The following ATXN10 variants were observed in gnomAD, a reference collection of about 807,000 sequenced individuals.
ATXN10 encodes the protein ataxin 10, also known as ataxin-10.
A neutral mutation model predicts 52.9 loss-of-function variants in ATXN10; 28 were observed. The ratio of observed to expected loss-of-function variants is 0.53; its 90% CI spans 0.39 to 0.73. ATXN10 has a LOEUF of 0.73. Ranked by LOEUF, ATXN10 falls within the 30% of genes least tolerant of loss-of-function variation. The pLI, the probability that ATXN10 is intolerant of heterozygous loss-of-function variation, is 0.00. For synonymous variants in ATXN10, 226 were observed against 221.5 expected (o/e 1.02, Z -0.18); for missense variants, 565 against 577.0 (o/e 0.98, Z 0.21).
rs1926914298 is a variant in ATXN10, at chr22:45,775,371, A to G, written c.1174-31588A>G. On this transcript the variant is annotated intron_variant, in intron 9 of 11. Transcript: ENST00000252934. The surrounding 1 kb of genome is among the most constrained non-coding windows in gnomAD (Gnocchi z 4.7). ...TGGCTTCATGGAGATTTTGTAAGAA[A>G]TTGAGACAAGTTGGAAAACACAAAC... Among the ~76,000 whole-genome samples the G allele has an allele frequency of 1.3e-5, 2 of 152,236 alleles. No individual in the cohort carries two copies. Among genetic ancestry groups the G allele is most frequent in the Non-Finnish European group, 2.9e-5 (2 of 68,042 alleles).
chr22:45,843,053 G>T lies in ATXN10; in HGVS notation c.1300G>T (p.Asp434Tyr). 1 of 1,614,184 alleles carries T rather than the reference G, an allele frequency of 6.2e-7. No homozygotes were observed. Among genetic ancestry groups the T allele is most frequent in the South Asian group, 1.1e-5 (1 of 91,076 alleles). Residue 434 changes from aspartate to tyrosine, a missense_variant, in exon 11 of 12, where the codon GAT becomes TAT. Coordinates refer to ENST00000252934, the MANE Select transcript of ATXN10 (RefSeq NM_013236.4). This position sits in a 1 kb window ranked among gnomAD's most constrained non-coding sequence, Gnocchi z 4.5. Reference protein sequence around the residue: ...NLTEDNSQNQDLIAKMEEQGL... With the variant: ...NLTEDNSQNQYLIAKMEEQGL... ...TACCGAAGACAACAGCCAAAACCAA[G>T]ATTTGATTGCAAAGATGGAGGAACA...
chr22:45,745,305 A>AT (rs1162175926), intron 9 of ATXN10, among the ~76,000 whole-genome samples: 13 of 152,142 alleles, frequency 8.5e-5, no homozygotes, highest in Non-Finnish European at 1.8e-4. Context: ...AGCTAAGTGC[A>AT]TTTTTCAAAT....
At chr22:45,731,219 A>G (rs937483651) in intron 7 of ATXN10, among the ~76,000 whole-genome samples, 5 of 152,230 alleles carry the variant, frequency 3.3e-5, no homozygotes, top group Admixed American at 2.0e-4. Context: ...GCTGAGGGAG[A>G]GAAGCCAGAC....
At chr22:45,773,381 C>T (rs1244640517) in intron 9 of ATXN10, among the ~76,000 whole-genome samples, 1 of 151,724 alleles carries the variant, frequency 6.6e-6, no homozygotes, top group East Asian at 1.9e-4. Context: ...CTGTGATGTC[C>T]CTGCCTGCCT....
At chr22:45,821,378 A>T (rs959753596) in intron 10 of ATXN10, among the ~76,000 whole-genome samples, 5 of 150,714 alleles carry the variant, frequency 3.3e-5, no homozygotes, top group African/African-American at 7.3e-5. Context: ...CGAACCTAGC[A>T]CAGTTTCCTC....
chr22:45,781,274 T>C lies in ATXN10; in HGVS notation c.1174-25685T>C, dbSNP rs1927139974. ...GATGGAGCTGGGAGCCAGGTTTTTA[T>C]CCCCACTGGGCAGTAATGAGGCATC... On this transcript the variant is annotated intron_variant, in intron 9 of 11. Coordinates refer to ENST00000252934, the MANE Select transcript of ATXN10 (RefSeq NM_013236.4). The surrounding 1 kb of genome is among the most constrained non-coding windows in gnomAD (Gnocchi z 4.2). Among the ~76,000 whole-genome samples, 1 of 151,948 alleles carries C rather than the reference T, an allele frequency of 6.6e-6. No homozygotes were observed. The highest frequency in any genetic ancestry group is 2.4e-5 in the African/African-American group (1 of 41,326).
chr22:45,755,767 G>T (rs138419444), intron 9 of ATXN10, among the ~76,000 whole-genome samples: 1 of 152,282 alleles, frequency 6.6e-6, no homozygotes, highest in East Asian at 1.9e-4. Flanking sequence ...GCATTTTATA[G>T]TGCTCACTGT....
Position 45,757,113 on chromosome 22 carries a change from C to T in ATXN10, c.1173+16575C>T, listed in dbSNP as rs893510604. On this transcript the variant is annotated intron_variant, in intron 9 of 11. Coordinates refer to ENST00000252934, the MANE Select transcript of ATXN10 (RefSeq NM_013236.4). The surrounding 1 kb of genome is among the most constrained non-coding windows in gnomAD (Gnocchi z 4.6). The stretch of plus-strand genomic sequence containing the variant: ...TTTGGTCTGCACCTGCAGCTCTGGA[C>T]GGACTGCCTGGGGCTGGGGCTGTGG... Among the ~76,000 whole-genome samples the T allele has an allele frequency of 4.6e-5, 7 of 151,916 alleles. No individual in the cohort carries two copies. Among genetic ancestry groups the T allele is most frequent in the East Asian group, 1.9e-4 (1 of 5,162 alleles).
intron 10 of ATXN10, among the ~76,000 whole-genome samples, chr22:45,838,677 C>G (rs1929246997): frequency 1.3e-5 from 2 of 152,196 alleles, no homozygotes; most frequent in African/African-American, 4.8e-5. Context: ...CGTGACACTT[C>G]AGACTGTCTA....
At chr22:45,743,332 C>T (rs1569045771) in intron 9 of ATXN10, among the ~76,000 whole-genome samples, 1 of 152,212 alleles carries the variant, frequency 6.6e-6, no homozygotes, top group Non-Finnish European at 1.5e-5. Flanking sequence ...AAGACCGACA[C>T]AACGCCGAAA....
At chr22:45,814,024 C>T (rs1928375711) in intron 10 of ATXN10, among the ~76,000 whole-genome samples, 1 of 152,140 alleles carries the variant, frequency 6.6e-6, no homozygotes, top group Non-Finnish European at 1.5e-5. Context: ...AAAACATGAC[C>T]TGGGAATCCT....
chr22:45,827,784 A>G (rs182723316), intron 10 of ATXN10, among the ~76,000 whole-genome samples: 5 of 152,346 alleles, frequency 3.3e-5, no homozygotes. Flanking sequence ...GATCTAACAG[A>G]CATACACAGA....
In ATXN10 at chr22:45,685,816, T is replaced by C. The variant is rs983442658; in HGVS notation, c.117-3896T>C. Among the ~76,000 whole-genome samples the C allele has an allele frequency of 3.3e-5, 5 of 152,348 alleles. No homozygotes were observed. In the East Asian group the frequency reaches 9.6e-4, roughly 29 times the overall value. ...ATATGGTGAATAGAAGCTATAGATATTTATTATATGACTCTAGAGGAAGAG... is the reference window on the plus strand; with the variant it reads ...ATATGGTGAATAGAAGCTATAGATACTTATTATATGACTCTAGAGGAAGAG... On this transcript the variant is annotated intron_variant, in intron 1 of 11. Transcript: ENST00000252934.
chr22:45,681,231 T>G lies in ATXN10; in HGVS notation c.117-8481T>G, dbSNP rs1922908871. 6.6e-6 allele frequency among the ~76,000 whole-genome samples: 1 copy of G among 152,212 alleles called. No individual in the cohort carries two copies. Among genetic ancestry groups the G allele is most frequent in the Admixed American group, 6.5e-5 (1 of 15,282 alleles). Reference sequence around the variant, plus strand: ...TATATAGATTTTCCTTTCATTATCCTGACCTCGAATTTCTTTGACTTTCTC... The same window carrying G: ...TATATAGATTTTCCTTTCATTATCCGGACCTCGAATTTCTTTGACTTTCTC... On this transcript the variant is annotated intron_variant, in intron 1 of 11. Coordinates refer to ENST00000252934, the MANE Select transcript of ATXN10 (RefSeq NM_013236.4). The surrounding 1 kb of genome is among the most constrained non-coding windows in gnomAD (Gnocchi z 4.2).
Position 45,836,135 on chromosome 22 carries a change from G to A in ATXN10, c.1238-6856G>A, listed in dbSNP as rs559101535. Reference sequence around the variant, plus strand: ...GGGTATTGAACACATAGTTTCCAGCGTCATGCAGGGAGACCCTGTGTAGAA... The same window carrying A: ...GGGTATTGAACACATAGTTTCCAGCATCATGCAGGGAGACCCTGTGTAGAA... On this transcript the variant is annotated intron_variant, in intron 10 of 11. Coordinates refer to ENST00000252934, the MANE Select transcript of ATXN10 (RefSeq NM_013236.4). Among the ~76,000 whole-genome samples, 30 of 152,300 alleles carry A rather than the reference G, an allele frequency of 2.0e-4. No individual in the cohort carries two copies. The South Asian group carries it at 5.8e-3, about 29-fold the overall frequency.
chr22:45,797,269 C>A (rs942769194), intron 9 of ATXN10, among the ~76,000 whole-genome samples: 3 of 152,326 alleles, frequency 2.0e-5, no homozygotes, highest in African/African-American at 7.2e-5. Context: ...CATGTATGTT[C>A]TTTCCAGTAC....
rs75482987 is a variant in ATXN10, at chr22:45,753,377, C to G, written c.1173+12839C>G. Among the ~76,000 whole-genome samples, 15 of 57,868 alleles carry G rather than the reference C, an allele frequency of 2.6e-4. No homozygotes were observed. In the South Asian group the frequency reaches 9.7e-3, roughly 37 times the overall value. The allele number at this position is 57,868 out of a possible 152,430, so 38.0% of individuals were successfully genotyped here. A position where few individuals can be genotyped will look rare whatever the true frequency, so the allele number is the denominator to read the frequency against. Reference sequence around the variant, plus strand: ...AGAGGGTCCACTCACCTCTTACCAGCTTTTTTTTTTTTTTTTTTTTTTTTT... The same window carrying G: ...AGAGGGTCCACTCACCTCTTACCAGGTTTTTTTTTTTTTTTTTTTTTTTTT... On this transcript the variant is annotated intron_variant, in intron 9 of 11. Transcript: ENST00000252934.
intron 9 of ATXN10, among the ~76,000 whole-genome samples, chr22:45,743,507 T>G (rs749576769): frequency 6.6e-6 from 1 of 152,238 alleles, no homozygotes; most frequent in Admixed American, 6.5e-5. Context: ...TGGATGGTTA[T>G]GTAGCAGGTC....
chr22:45,800,309 T>C (rs56232057), intron 9 of ATXN10, among the ~76,000 whole-genome samples: 4,132 of 152,252 alleles, frequency 0.027, 75 homozygotes, highest in Non-Finnish European at 0.044. Flanking sequence ...GTTAATAAAA[T>C]GAGCAAAATA....
Sources: allele counts gnomAD v4.1 joint callset (sites outside exome capture counted in the v4.1 genomes callset), GRCh38; gene constraint gnomAD v4.1.1; non-coding constraint Gnocchi (gnomAD v3.1); transcripts MANE v1.5; gene names NCBI Gene and HGNC (gene_info 2026-07-23, HGNC 2026-07-21).